Variants in SHOC1 observed in about 807,000 individuals in gnomAD.
SHOC1 encodes protein shortage in chiasmata 1 ortholog.
Under a neutral mutation model 179.2 loss-of-function variants are expected in SHOC1, and 136 were observed. The observed-to-expected ratio is 0.76, with a 90% CI of 0.66 to 0.87. SHOC1 has a LOEUF of 0.87. Ranked by LOEUF, SHOC1 falls within the 40% of genes least tolerant of loss-of-function variation. The probability of loss-of-function intolerance (pLI) is 0.00; values close to 1 mark genes in which losing one functional copy is unlikely to be tolerated. For synonymous variants in SHOC1, 489 were observed against 586.6 expected, an observed-to-expected ratio of 0.83 and a Z score of 2.41; for missense variants, 1,538 against 1,700.8, an observed-to-expected ratio of 0.90 and a Z score of 1.68.
chr9:111,761,580 A>G (rs57561529), intron 5 of SHOC1, among the ~76,000 whole-genome samples: 6,882 of 152,230 alleles, frequency 0.045, 526 homozygotes, highest in African/African-American at 0.16. Flanking sequence ...ATTAAGAAAG[A>G]ATTTTCTAAG....
chr9:111,722,270 C>T (rs1833088040), intron 15 of SHOC1, 139 bp downstream of exon 15: 1 of 688,674 alleles, frequency 1.5e-6, no homozygotes, highest in East Asian at 3.0e-5. Flanking sequence ...ATTGGTTTGG[C>T]TGGGTATCAC....
intron 19 of SHOC1, 50 bp downstream of exon 19, chr9:111,707,805 C>T: frequency 2.4e-6 from 3 of 1,260,496 alleles, no homozygotes; most frequent in African/African-American, 1.6e-5. Flanking sequence ...TTTGCTTTTC[C>T]TGTGAAACTG....
intron 1 of SHOC1, among the ~76,000 whole-genome samples, chr9:111,793,034 C>T (rs944260210): frequency 6.6e-6 from 1 of 152,188 alleles, no homozygotes; most frequent in African/African-American, 2.4e-5. Flanking sequence ...AGGCGCCCGC[C>T]AACACGCCCG....
intron 27 of SHOC1, among the ~76,000 whole-genome samples, chr9:111,687,625 G>T (rs1465104346): frequency 1.3e-5 from 2 of 152,166 alleles, no homozygotes; most frequent in African/African-American, 4.8e-5. Flanking sequence ...CATTAATTAG[G>T]ATATAAGTTA....
At chr9:111,716,338 T>C (rs1832784425) in intron 16 of SHOC1, among the ~76,000 whole-genome samples, 1 of 151,594 alleles carries the variant, frequency 6.6e-6, no homozygotes, top group South Asian at 2.1e-4. Flanking sequence ...AGATAAATAT[T>C]GTTTAAGCCA....
At position 111,694,254 on chromosome 9, in the gene SHOC1, A is replaced by G. The variant is rs1672759921; in HGVS notation, c.3292T>C (p.Trp1098Arg). The G allele has an allele frequency of 6.2e-7, 1 of 1,609,798 alleles. No individual in the cohort carries two copies. Among genetic ancestry groups the G allele is most frequent in the Admixed American group, 1.7e-5 (1 of 59,564 alleles). Reference protein sequence around the residue: ...RDPHEWLDKSWLKVSPSEEEM... With the variant: ...RDPHEWLDKSRLKVSPSEEEM... ...ACCTCAGATGGTGAAACTTTAAGCC[A>G]GGATTTATCCAACCATTCATGAGGA... Residue 1098 changes from tryptophan to arginine, a missense_variant, in exon 25 of 28, where the codon TGG becomes CGG. Transcript: ENST00000682961.
intron 1 of SHOC1, among the ~76,000 whole-genome samples, chr9:111,792,463 G>C (rs1158504180): frequency 6.6e-6 from 1 of 152,044 alleles, no homozygotes; most frequent in South Asian, 2.1e-4. Flanking sequence ...TTAGCTGGGC[G>C]TGGTGGTGTG....
Position 111,727,647 on chromosome 9 carries a change from CTGTT to C in SHOC1, c.1816_1819del (p.Asn606ValfsTer12). 1 of 1,576,988 alleles carries C rather than the reference CTGTT, an allele frequency of 6.3e-7. No homozygotes were observed. Among genetic ancestry groups the C allele is most frequent in the Non-Finnish European group, 8.6e-7 (1 of 1,165,500 alleles). ...AAATTACTTACCATGTTTTTCATCA[CTGTT>C]TGTGACTTCAGTCTTTGAGGTGCAA... is the stretch of plus-strand genomic sequence containing the variant. On this transcript the variant is annotated frameshift_variant, in exon 13 of 28. Coordinates refer to ENST00000682961, the MANE Select transcript of SHOC1 (RefSeq NM_001378211.1). LOFTEE classifies it high-confidence loss of function.
At chr9:111,759,738 G>A (rs1835055215) in intron 5 of SHOC1, among the ~76,000 whole-genome samples, 2 of 152,308 alleles carry the variant, frequency 1.3e-5, no homozygotes, top group South Asian at 2.1e-4. Flanking sequence ...GTTAAGTGAC[G>A]CTGAATGGCA....
chr9:111,760,281 T>C (rs1420616735), intron 5 of SHOC1, among the ~76,000 whole-genome samples: 1 of 152,220 alleles, frequency 6.6e-6, no homozygotes, highest in African/African-American at 2.4e-5. Context: ...TAATATTCTT[T>C]GTAATTCTAC....
chr9:111,724,762 T>G lies in SHOC1; in HGVS notation c.1835-851A>C, dbSNP rs907402579. 2.0e-5 allele frequency among the ~76,000 whole-genome samples: 3 copies of G among 152,206 alleles called. No individual in the cohort carries two copies. The East Asian group carries it at 5.8e-4, about 29-fold the overall frequency. On this transcript the variant is annotated intron_variant, in intron 13 of 27. Coordinates refer to ENST00000682961, the MANE Select transcript of SHOC1 (RefSeq NM_001378211.1). Reference sequence around the variant, plus strand: ...AGCAAAGGGCTCCTCCTTTTGTTTCTTCAGCATTCTGTGAAGACTTCTTTA... The same window carrying G: ...AGCAAAGGGCTCCTCCTTTTGTTTCGTCAGCATTCTGTGAAGACTTCTTTA...
At chr9:111,768,628 T>A (rs1835447008) in intron 5 of SHOC1, among the ~76,000 whole-genome samples, 1 of 152,256 alleles carries the variant, frequency 6.6e-6, no homozygotes, top group African/African-American at 2.4e-5. Flanking sequence ...TATTTTAGGT[T>A]CAAGGGGTAA....
intron 5 of SHOC1, among the ~76,000 whole-genome samples, chr9:111,770,064 G>A: frequency 7.6e-6 from 1 of 131,098 alleles, no homozygotes; most frequent in Non-Finnish European, 1.6e-5. Flanking sequence ...CCTTCTACCA[G>A]TTTGGGGTTT....
chr9:111,688,529 G>A (rs994177313), intron 27 of SHOC1, among the ~76,000 whole-genome samples: 1 of 152,004 alleles, frequency 6.6e-6, no homozygotes, highest in Non-Finnish European at 1.5e-5. Context: ...TGGACATTAT[G>A]AGCAAAATTC....
rs1428668629 is a variant in SHOC1 at position 111,692,168 on chromosome 9, A to G, written c.3809T>C (p.Phe1270Ser). The G allele has an allele frequency of 5.0e-6, 8 of 1,613,642 alleles. No individual in the cohort carries two copies. The highest frequency in any genetic ancestry group is 1.7e-5 in the Admixed American group (1 of 59,962). ...CKSNIGQNTP[F>S]LINIESRRPA... ...TCTCCTTGATTCTATATTAATTAGA[A>G]AAGGAGTATTCTGCCCTATATTAGA... The change falls in exon 27 of 28, where the codon TTT becomes TCT. Residue 1270 changes from phenylalanine (F) to serine (S), a missense_variant. Phe to Ser is a radical substitution (Grantham distance 155). Transcript: ENST00000682961.
intron 12 of SHOC1, among the ~76,000 whole-genome samples, chr9:111,735,968 C>CT (rs1181831892): frequency 3.3e-5 from 5 of 152,134 alleles, no homozygotes; most frequent in African/African-American, 1.2e-4. Flanking sequence ...CATGTCTTTA[C>CT]TATTGTGAAT....
chr9:111,748,108 T>G lies in SHOC1; in HGVS notation c.954A>C (p.Glu318Asp). The change falls in exon 9 of 28, where the codon GAA (glutamate) becomes GAC (aspartate). Residue 318 changes from glutamate to aspartate, a missense_variant. Transcript: ENST00000682961. ...ILTIQSQSEPEECSKPGELEM... is the reference protein window; with the variant it reads ...ILTIQSQSEPDECSKPGELEM... Reference sequence around the variant, plus strand: ...AATTTCTACCTGGTTTACTGCACTCTTCTGGTTCACTCTGGCTTTGAATGG... The same window carrying G: ...AATTTCTACCTGGTTTACTGCACTCGTCTGGTTCACTCTGGCTTTGAATGG... The G allele has an allele frequency of 6.2e-7, 1 of 1,613,238 alleles. No individual in the cohort carries two copies. Among genetic ancestry groups the G allele is most frequent in the Non-Finnish European group, 8.5e-7 (1 of 1,179,314 alleles).
intron 4 of SHOC1, 105 bp downstream of exon 4, chr9:111,780,825 C>A: frequency 1.4e-6 from 1 of 726,276 alleles, no homozygotes. Flanking sequence ...GAAGAAAATC[C>A]ATGAAGAGAT....
chr9:111,787,946 G>GA, intron 2 of SHOC1, among the ~76,000 whole-genome samples: 1 of 152,112 alleles, frequency 6.6e-6, no homozygotes, highest in East Asian at 1.9e-4. Context: ...CTAAAGACTC[G>GA]GGTAATTATT....
Sources: allele counts gnomAD v4.1 joint callset (sites outside exome capture counted in the v4.1 genomes callset), GRCh38; gene constraint gnomAD v4.1.1; transcripts MANE v1.5; gene names NCBI Gene and HGNC (gene_info 2026-07-23, HGNC 2026-07-21).